The following RARB variants were observed in gnomAD, a reference collection of about 807,000 sequenced individuals.
RARB encodes the protein HBV-activated protein.
A neutral mutation model predicts 51.9 loss-of-function variants in RARB; 17 were observed. The observed-to-expected ratio is 0.33, with a 90% CI of 0.22 to 0.49. The LOEUF is 0.49. RARB is among the 20% of genes least tolerant of loss of function. The pLI is 0.99. For missense variants in RARB, 369 were observed against 550.8 expected (o/e 0.67, Z 3.30); for synonymous variants, 215 against 195.4 (o/e 1.10, Z -0.84).
At chr3:25,411,906 A>G (rs546887533) in intron 5 of RARB, among the ~76,000 whole-genome samples, 1 of 152,336 alleles carries the variant, frequency 6.6e-6, no homozygotes, top group South Asian at 2.1e-4. Context: ...GGGCAGTGCA[A>G]CAGGCCATGT....
At chr3:25,028,445 G>C (rs1289634874) in intron 2 of RARB, among the ~76,000 whole-genome samples, 1 of 152,176 alleles carries the variant, frequency 6.6e-6, no homozygotes, top group Non-Finnish European at 1.5e-5. Context: ...AAATTCCTGG[G>C]ACTCCACTGG....
In RARB at chr3:25,593,403, G is replaced by A. The variant is rs911648146; in HGVS notation, c.787-100G>A. 3.6e-6 allele frequency: 4 copies of A among 1,122,874 alleles called. No homozygotes were observed. The African/African-American group carries it at 6.2e-5, about 17-fold the overall frequency. The allele number at this position is 1,122,874 out of a possible 1,614,324, so 69.6% of individuals were successfully genotyped here. Reference sequence around the variant, plus strand: ...GTGAAAGGGGGACAGACTGCCCCAAGAGCTCCTTGGAAATCTTCATGTTAT... The same window carrying A: ...GTGAAAGGGGGACAGACTGCCCCAAAAGCTCCTTGGAAATCTTCATGTTAT... On this transcript the variant is annotated intron_variant, in intron 5 of 7. Coordinates refer to ENST00000330688, the MANE Select transcript of RARB (RefSeq NM_000965.5).
At position 25,580,553 on chromosome 3, in the gene RARB, G is replaced by T. The variant is rs771740568; in HGVS notation, c.617G>T (p.Ser206Ile). The change falls in exon 5 of 8, where the codon AGT (serine) becomes ATT (isoleucine). Residue 206 changes from serine (S) to isoleucine (I), a missense_variant. This residue lies in a region of RARB where 49 missense variants were observed against 103.4 expected (regional missense o/e 0.47). Coordinates refer to ENST00000330688, the MANE Select transcript of RARB (RefSeq NM_000965.5). ...ATTTTCTCTCTCTCCTAGAATTCCA[G>T]TGCTGACCATCGAGTCCGACTGGAC... ...CQLGKYTTNS[S>I]ADHRVRLDLG... The T allele has an allele frequency of 6.3e-7, 1 of 1,593,182 alleles. No homozygotes were observed. Among genetic ancestry groups the T allele is most frequent in the South Asian group, 1.1e-5 (1 of 89,462 alleles).
At chr3:24,965,164 AT>A (rs1451728393) in intron 2 of RARB, among the ~76,000 whole-genome samples, 1 of 152,164 alleles carries the variant, frequency 6.6e-6, no homozygotes, top group Non-Finnish European at 1.5e-5. Flanking sequence ...TCATGACATC[AT>A]CATGTGTGGA....
intron 3 of RARB, among the ~76,000 whole-genome samples, chr3:25,072,369 G>C (rs1698784360): frequency 6.6e-6 from 1 of 152,144 alleles, no homozygotes; most frequent in Admixed American, 6.5e-5. Context: ...GTTAGTAGAT[G>C]AGAGAGTTCA....
intron 2 of RARB, among the ~76,000 whole-genome samples, chr3:24,973,751 T>A (rs779463769): frequency 6.6e-6 from 1 of 151,976 alleles, no homozygotes; most frequent in Non-Finnish European, 1.5e-5. Flanking sequence ...TTTTTCAGAG[T>A]GTTCACTGTT....
intron 3 of RARB, 22 bp from the exon 4 acceptor site, chr3:25,569,736 G>A: frequency 6.2e-7 from 1 of 1,608,986 alleles, no homozygotes; most frequent in Non-Finnish European, 8.5e-7. Flanking sequence ...GACCCCTGAT[G>A]TGCCTTCTCT....
chr3:25,596,545 G>C lies in RARB; in HGVS notation c.1276G>C (p.Glu426Gln). Reference sequence around the variant, plus strand: ...CCCAAGTTCAAGTGGGAACACAGCAGAGCACAGTCCTAGCATCTCACCCAG... The same window carrying C: ...CCCAAGTTCAAGTGGGAACACAGCACAGCACAGTCCTAGCATCTCACCCAG... The part of the protein sequence containing the change: ...LTPSSSGNTA[E>Q]HSPSISPSSV... The change falls in exon 8 of 8, where the codon GAG becomes CAG. Residue 426 changes from glutamate (E) to glutamine (Q), a missense_variant. Coordinates refer to ENST00000330688, the MANE Select transcript of RARB (RefSeq NM_000965.5). The C allele has an allele frequency of 6.2e-7, 1 of 1,613,908 alleles. No individual in the cohort carries two copies. The highest frequency in any genetic ancestry group is 8.5e-7 in the Non-Finnish European group (1 of 1,179,814).
At chr3:25,151,989 C>T (rs1295296297) in intron 4 of RARB, among the ~76,000 whole-genome samples, 1 of 151,976 alleles carries the variant, frequency 6.6e-6, no homozygotes, top group Non-Finnish European at 1.5e-5. Flanking sequence ...CATTCTTCTT[C>T]CCTCTCTCTT....
chr3:25,341,307 A>T (rs1342512266), intron 5 of RARB, among the ~76,000 whole-genome samples: 1 of 152,166 alleles, frequency 6.6e-6, no homozygotes, highest in African/African-American at 2.4e-5. Context: ...TATACATAAG[A>T]TCACCAAGGA....
chr3:24,966,306 G>A (rs930067629), intron 2 of RARB, among the ~76,000 whole-genome samples: 13 of 152,118 alleles, frequency 8.5e-5, no homozygotes, highest in African/African-American at 2.4e-4. Flanking sequence ...GGGATGGGGA[G>A]TTGTAGGAGA....
chr3:25,395,604 C>CT (rs982580110), intron 5 of RARB, among the ~76,000 whole-genome samples: 16 of 131,718 alleles, frequency 1.2e-4, no homozygotes, highest in South Asian at 4.6e-4. Flanking sequence ...TTTTTAAATT[C>CT]TTTTTTTTGT....
intron 2 of RARB, among the ~76,000 whole-genome samples, chr3:24,978,335 G>C (rs1206765583): frequency 6.6e-6 from 1 of 152,148 alleles, no homozygotes; most frequent in Non-Finnish European, 1.5e-5. Flanking sequence ...AATGGTACCA[G>C]CTCCTTTTTG....
At chr3:24,891,940 G>T (rs867692864) in intron 2 of RARB, among the ~76,000 whole-genome samples, 1 of 152,102 alleles carries the variant, frequency 6.6e-6, no homozygotes, top group East Asian at 1.9e-4. Flanking sequence ...GAAGTAGATG[G>T]GGGACAGTGG....
intron 1 of RARB, among the ~76,000 whole-genome samples, chr3:25,457,401 A>G (rs987798620): frequency 1.3e-5 from 2 of 152,232 alleles, no homozygotes; most frequent in African/African-American, 2.4e-5. Context: ...CTCACATGAG[A>G]AAGTTCCTAG....
At chr3:25,455,220 T>G (rs1442745319) in intron 1 of RARB, among the ~76,000 whole-genome samples, 1 of 152,228 alleles carries the variant, frequency 6.6e-6, no homozygotes, top group Non-Finnish European at 1.5e-5. Context: ...AAATCTAATT[T>G]TTTTTAAAGA....
intron 5 of RARB, among the ~76,000 whole-genome samples, chr3:25,406,534 C>G (rs1388353780): frequency 6.6e-6 from 1 of 152,196 alleles, no homozygotes; most frequent in East Asian, 1.9e-4. Flanking sequence ...CTTGCACACC[C>G]CCAGTGTCTC....
chr3:25,544,591 TCTC>T lies in RARB; in HGVS notation c.449-25164_449-25162del, dbSNP rs1699534128. ...ACCAAAAAATCCTCCTCCTCTTCCT[TCTC>T]CTGGTAGATTGTAGAACTGCTCATC... is the stretch of plus-strand genomic sequence containing the variant. On this transcript the variant is annotated intron_variant, in intron 3 of 7. Transcript: ENST00000330688. Among the ~76,000 whole-genome samples, 5 of 152,260 alleles carry T rather than the reference TCTC, an allele frequency of 3.3e-5. No homozygotes were observed. The South Asian group carries it at 1.0e-3, about 32-fold the overall frequency.
In RARB at chr3:25,305,543, A is replaced by G. The variant is rs567776011; in HGVS notation, c.178+130968A>G. Among the ~76,000 whole-genome samples, 4 of 152,276 alleles carry G rather than the reference A, an allele frequency of 2.6e-5. No individual in the cohort carries two copies. In the South Asian group the frequency reaches 8.3e-4, roughly 32 times the overall value. On this transcript the variant is annotated intron_variant, in intron 5 of 11. Transcript: ENST00000383772. The stretch of plus-strand genomic sequence containing the variant: ...GCTGTAGTTTCTGTGCAAGGGTTGA[A>G]AAGTTGTCTTGAGAAAATGAATTGT...
Sources: gnomAD v4.1 joint callset for allele counts (sites outside exome capture counted in the v4.1 genomes callset) on GRCh38, gnomAD v4.1.1 for gene constraint, gnomAD v4.1.1 regional missense constraint, MANE v1.5 for transcripts, NCBI Gene and HGNC (gene_info 2026-07-23, HGNC 2026-07-21) for gene names.